BCL2: variants seen among roughly 807,000 people sequenced by gnomAD.
BCL2 encodes the protein apoptosis regulator Bcl-2.
In BCL2, 1 loss-of-function variant was observed where a neutral mutation model predicts 14.2. That is an observed-to-expected ratio of 0.07 (90% CI 0.02 to 0.33). BCL2 has a LOEUF of 0.33. BCL2 is among the 10% of genes least tolerant of loss of function. The probability of loss-of-function intolerance (pLI) is 0.99; values close to 1 mark genes in which losing one functional copy is unlikely to be tolerated. For synonymous variants in BCL2, 151 were observed against 137.2 expected (o/e 1.10, Z -0.70); for missense variants, 247 against 305.9 (o/e 0.81, Z 1.44).
chr18:63,192,438 G>A (rs1169047900), intron 2 of BCL2, among the ~76,000 whole-genome samples: 1 of 152,192 alleles, frequency 6.6e-6, no homozygotes, highest in Non-Finnish European at 1.5e-5. Flanking sequence ...ATCAGATCGA[G>A]AGCCTGGATA....
Position 63,169,336 on chromosome 18 carries a change from C to CCTTCCTTT in BCL2, c.586-40578_586-40577insAAAGGAAG, listed in dbSNP as rs1555697353. On this transcript the variant is annotated intron_variant, in intron 2 of 2. Coordinates refer to ENST00000333681, the MANE Select transcript of BCL2 (RefSeq NM_000633.3). ...CCTTCCTTCCTTCTTTCCTTTCCTT[C>CCTTCCTTT]CTTTCTTTCTTTCTTTCTTTCTTTC... 1.0e-3 allele frequency among the ~76,000 whole-genome samples: 63 copies of CCTTCCTTT among 62,094 alleles called. 4 individuals carry two copies. Among genetic ancestry groups the CCTTCCTTT allele is most frequent in the Non-Finnish European group, 1.4e-3 (46 of 33,294 alleles). The allele number at this position is 62,094 out of a possible 152,430, so 40.7% of individuals were successfully genotyped here.
At chr18:63,280,439 C>T (rs547078211) in intron 2 of BCL2, among the ~76,000 whole-genome samples, 315 of 152,244 alleles carry the variant, frequency 2.1e-3, no homozygotes, top group Non-Finnish European at 3.3e-3. Context: ...TATCTGATAA[C>T]GGATTAACGT....
chr18:63,175,984 G>A (rs1915339845), intron 2 of BCL2, among the ~76,000 whole-genome samples: 2 of 152,222 alleles, frequency 1.3e-5, no homozygotes, highest in South Asian at 4.1e-4. Flanking sequence ...GGGATGATGG[G>A]AAGGTGGGTG....
intron 2 of BCL2, among the ~76,000 whole-genome samples, chr18:63,235,549 T>A (rs750271635): frequency 5.2e-4 from 79 of 151,556 alleles, no homozygotes; most frequent in African/African-American, 1.7e-3. Flanking sequence ...CATTTAAAAA[T>A]ATATATATAT....
chr18:63,263,918 C>A (rs1044983694), intron 2 of BCL2, among the ~76,000 whole-genome samples: 4 of 152,114 alleles, frequency 2.6e-5, no homozygotes, highest in Non-Finnish European at 1.5e-5. Context: ...CTCTGCTTCC[C>A]GGGTTTAAGC....
intron 2 of BCL2, among the ~76,000 whole-genome samples, chr18:63,138,043 C>T (rs1169786205): frequency 6.6e-6 from 1 of 152,172 alleles, no homozygotes; most frequent in African/African-American, 2.4e-5. Flanking sequence ...CTATGACATG[C>T]AACCGTCAGG....
intron 2 of BCL2, among the ~76,000 whole-genome samples, chr18:63,276,044 T>TG (rs1321824107): frequency 1.3e-5 from 2 of 152,184 alleles, no homozygotes; most frequent in Non-Finnish European, 2.9e-5. Flanking sequence ...AAGGACACCA[T>TG]GGGGTGCCCC....
At chr18:63,160,739 T>C (rs1427850188) in intron 2 of BCL2, among the ~76,000 whole-genome samples, 2 of 152,004 alleles carry the variant, frequency 1.3e-5, no homozygotes, top group Admixed American at 1.3e-4. Flanking sequence ...GGGCACTCTG[T>C]TGTTCTAGTG....
chr18:63,274,720 G>C (rs544195189), intron 2 of BCL2, among the ~76,000 whole-genome samples: 2 of 152,270 alleles, frequency 1.3e-5, no homozygotes, highest in East Asian at 3.9e-4. Context: ...ACCTGCCGCG[G>C]AGGACCTAGT....
intron 2 of BCL2, among the ~76,000 whole-genome samples, chr18:63,204,703 C>T (rs1909785651): frequency 6.6e-6 from 1 of 152,164 alleles, no homozygotes. Context: ...CTGGCACACT[C>T]TGATATCTCC....
At chr18:63,140,819 A>C (rs1341783734) in intron 2 of BCL2, among the ~76,000 whole-genome samples, 1 of 152,184 alleles carries the variant, frequency 6.6e-6, no homozygotes, top group Non-Finnish European at 1.5e-5. Context: ...ATCCCAATAA[A>C]AGAGCTTAAT....
chr18:63,253,630 T>G (rs1166288906), intron 2 of BCL2, among the ~76,000 whole-genome samples: 1 of 152,200 alleles, frequency 6.6e-6, no homozygotes, highest in Non-Finnish European at 1.5e-5. Flanking sequence ...CCGTTGGAGA[T>G]TTCTACTAGA....
At chr18:63,254,637 A>T (rs1410656894) in intron 2 of BCL2, among the ~76,000 whole-genome samples, 12 of 152,112 alleles carry the variant, frequency 7.9e-5, no homozygotes, top group Admixed American at 5.2e-4. Flanking sequence ...AGTTTTTTAT[A>T]GCCCAACGTT....
intron 2 of BCL2, among the ~76,000 whole-genome samples, chr18:63,194,925 G>T (rs1599236607): frequency 6.6e-6 from 1 of 152,328 alleles, no homozygotes; most frequent in East Asian, 1.9e-4. Flanking sequence ...CTGGTAACCT[G>T]CAAGGTCACC....
At chr18:63,230,663 T>C (rs1464760530) in intron 2 of BCL2, among the ~76,000 whole-genome samples, 1 of 152,092 alleles carries the variant, frequency 6.6e-6, no homozygotes, top group Non-Finnish European at 1.5e-5. Flanking sequence ...AGTAAAGATT[T>C]TAAAGCATGA....
At chr18:63,230,930 G>GC (rs1910671718) in intron 2 of BCL2, among the ~76,000 whole-genome samples, 1 of 151,744 alleles carries the variant, frequency 6.6e-6, no homozygotes, top group African/African-American at 2.4e-5. Flanking sequence ...AAAAATTCCA[G>GC]CAGTATAGTG....
chr18:63,193,818 A>G (rs998891947), intron 2 of BCL2, among the ~76,000 whole-genome samples: 1 of 152,116 alleles, frequency 6.6e-6, no homozygotes, highest in African/African-American at 2.4e-5. Context: ...CACATCTAGC[A>G]TGGTATTGAA....
At chr18:63,147,505 AC>A (rs1914543095) in intron 2 of BCL2, among the ~76,000 whole-genome samples, 2 of 151,872 alleles carry the variant, frequency 1.3e-5, no homozygotes, top group Non-Finnish European at 2.9e-5. Context: ...CCGGGACGTG[AC>A]CTGCCGTAAT....
chr18:63,277,357 G>C (rs1225432513), intron 2 of BCL2, among the ~76,000 whole-genome samples: 1 of 152,128 alleles, frequency 6.6e-6, no homozygotes, highest in East Asian at 1.9e-4. Context: ...TCTTGGCCGG[G>C]TGTGGCGGCT....
Sources: gnomAD v4.1 joint callset for allele counts (sites outside exome capture counted in the v4.1 genomes callset) on GRCh38, gnomAD v4.1.1 for gene constraint, MANE v1.5 for transcripts, NCBI Gene and HGNC (gene_info 2026-07-23, HGNC 2026-07-21) for gene names.